The following CERS6 variants were observed in gnomAD, a reference collection of about 807,000 sequenced individuals.
The protein encoded by CERS6 is LAG1 homolog, ceramide synthase 6.
A neutral mutation model predicts 56.8 loss-of-function variants in CERS6; 26 were observed. The ratio of observed to expected loss-of-function variants is 0.46; its 90% CI spans 0.34 to 0.63. CERS6 has a LOEUF of 0.63. Ranked by LOEUF, CERS6 falls within the 30% of genes least tolerant of loss-of-function variation. CERS6 has a pLI of 0.01. For synonymous variants in CERS6, 164 were observed against 173.3 expected, an observed-to-expected ratio of 0.95 and a Z score of 0.42; for missense variants, 415 against 467.5, an observed-to-expected ratio of 0.89 and a Z score of 1.04.
At chr2:168,597,740 C>A (rs1025061377) in intron 3 of CERS6, among the ~76,000 whole-genome samples, 1 of 152,184 alleles carries the variant, frequency 6.6e-6, no homozygotes, top group Non-Finnish European at 1.5e-5. Context: ...TTTATTTAGA[C>A]ATAATGCTTT....
chr2:168,626,492 C>T (rs1273551261), intron 3 of CERS6, among the ~76,000 whole-genome samples: 1 of 152,136 alleles, frequency 6.6e-6, no homozygotes, highest in Non-Finnish European at 1.5e-5. Flanking sequence ...ACAAAGAGCC[C>T]TGTTCAACCT....
chr2:168,752,553 A>G (rs902836825), intron 8 of CERS6, among the ~76,000 whole-genome samples: 3 of 152,170 alleles, frequency 2.0e-5, no homozygotes, highest in Non-Finnish European at 2.9e-5. Context: ...TTGTGTATTC[A>G]TATTCCTGGT....
chr2:168,750,884 C>A (rs1440970976), intron 8 of CERS6, among the ~76,000 whole-genome samples: 1 of 152,176 alleles, frequency 6.6e-6, no homozygotes, highest in East Asian at 1.9e-4. Flanking sequence ...ATAGTAAGTT[C>A]TTTGAGGTTC....
chr2:168,725,472 C>G (rs1269533346), intron 8 of CERS6, among the ~76,000 whole-genome samples: 2 of 152,254 alleles, frequency 1.3e-5, no homozygotes, highest in South Asian at 4.1e-4. Flanking sequence ...ACTAACACAT[C>G]CTTAAATAAT....
At chr2:168,635,722 G>A (rs1684846862) in intron 4 of CERS6, among the ~76,000 whole-genome samples, 1 of 152,140 alleles carries the variant, frequency 6.6e-6, no homozygotes, top group Non-Finnish European at 1.5e-5. Context: ...TAACTGCTGG[G>A]TGAAAACTTG....
chr2:168,484,901 C>A (rs560956563), intron 1 of CERS6, among the ~76,000 whole-genome samples: 4 of 152,306 alleles, frequency 2.6e-5, no homozygotes, highest in African/African-American at 9.6e-5. Context: ...TGAAATAACG[C>A]TTCATATTCT....
intron 4 of CERS6, among the ~76,000 whole-genome samples, chr2:168,681,422 G>A (rs902263724): frequency 2.0e-5 from 3 of 152,160 alleles, no homozygotes; most frequent in Non-Finnish European, 1.5e-5. Context: ...TTTGAGGGTG[G>A]CAGTGTATTA....
At chr2:168,641,940 A>C (rs1193939406) in intron 4 of CERS6, among the ~76,000 whole-genome samples, 1 of 152,130 alleles carries the variant, frequency 6.6e-6, no homozygotes, top group Non-Finnish European at 1.5e-5. Context: ...TTTTGTTAAA[A>C]ATTTTTTGGG....
chr2:168,695,180 G>A (rs1033147493), intron 6 of CERS6, 129 bp downstream of exon 6: 28 of 652,140 alleles, frequency 4.3e-5, no homozygotes, highest in South Asian at 1.5e-4. Flanking sequence ...GACTTGCTGC[G>A]TTATTACAGA....
rs931460010 is a variant in CERS6 at position 168,775,000 on chromosome 2, G to A, written c.*5338G>A. The A allele has an allele frequency of 6.6e-6, 1 of 152,206 alleles. No homozygotes were observed. Among genetic ancestry groups the A allele is most frequent in the Non-Finnish European group, 1.5e-5 (1 of 67,998 alleles). The allele number at this position is 152,206 out of a possible 1,614,324, so 9.4% of individuals were successfully genotyped here. A position where few individuals can be genotyped will look rare whatever the true frequency, so the allele number is the denominator to read the frequency against. ...TGTTAGCCAATTAGAATTATTTTAT[G>A]TATTGTTATTGTGTTTTGCTGATTT... On this transcript the variant is annotated 3_prime_UTR_variant, in exon 10 of 10. Coordinates refer to ENST00000305747, the MANE Select transcript of CERS6 (RefSeq NM_203463.3).
rs143308042 is a variant in CERS6 at position 168,645,999 on chromosome 2, G to A, written c.465+14957G>A. Among the ~76,000 whole-genome samples, 10 of 152,204 alleles carry A rather than the reference G, an allele frequency of 6.6e-5. No homozygotes were observed. The East Asian group carries it at 1.9e-3, about 29-fold the overall frequency. On this transcript the variant is annotated intron_variant, in intron 4 of 9. Coordinates refer to ENST00000305747, the MANE Select transcript of CERS6 (RefSeq NM_203463.3). Reference sequence around the variant, plus strand: ...TATTGCAAATAGGGCTGCAGTGAACGTTCACATGCATGTGTTTTTATGGTG... The same window carrying A: ...TATTGCAAATAGGGCTGCAGTGAACATTCACATGCATGTGTTTTTATGGTG...
intron 1 of CERS6, among the ~76,000 whole-genome samples, chr2:168,497,033 A>G (rs1195160895): frequency 6.6e-6 from 1 of 152,206 alleles, no homozygotes; most frequent in East Asian, 1.9e-4. Context: ...CTAGGCAGGA[A>G]AAGCAGACCT....
intron 1 of CERS6, among the ~76,000 whole-genome samples, chr2:168,503,580 C>T (rs1694622356): frequency 6.6e-6 from 1 of 152,100 alleles, no homozygotes; most frequent in African/African-American, 2.4e-5. Context: ...AGCAATTGCC[C>T]TCAAACAGGT....
chr2:168,579,047 G>A (rs1179631373), intron 3 of CERS6, among the ~76,000 whole-genome samples: 4 of 151,918 alleles, frequency 2.6e-5, no homozygotes, highest in African/African-American at 2.4e-5. Flanking sequence ...TAATTCCTTC[G>A]GTTATTTTTA....
intron 4 of CERS6, among the ~76,000 whole-genome samples, chr2:168,631,550 T>TTAATATTTATATATTAAATATATAATATA (rs1684722845): frequency 1.0e-4 from 5 of 48,772 alleles, no homozygotes; most frequent in Non-Finnish European, 1.9e-4. Flanking sequence ...TATATTATAT[T>TTAATATTTATATATTAAATATATAATATA]TTTAATATTT....
rs1684532201 is a variant in CERS6, at chr2:168,760,202, T to C, written c.846-5390T>C. On this transcript the variant is annotated intron_variant, in intron 8 of 9. Coordinates refer to ENST00000305747, the MANE Select transcript of CERS6 (RefSeq NM_203463.3). The stretch of plus-strand genomic sequence containing the variant: ...TACAGGAGTTTATTAAGTATTAACT[T>C]ACACGATCACAAGGTCCCACAGTAG... Among the ~76,000 whole-genome samples the C allele has an allele frequency of 2.6e-5, 4 of 152,102 alleles. No homozygotes were observed. In the South Asian group the frequency reaches 8.3e-4, roughly 31 times the overall value.
At chr2:168,532,135 CAATTCAT>C (rs1310741787) in intron 1 of CERS6, among the ~76,000 whole-genome samples, 31 of 152,250 alleles carry the variant, frequency 2.0e-4, no homozygotes, top group African/African-American at 7.5e-4. Context: ...TACTAGAGAA[CAATTCAT>C]ATTTTTCCTA....
intron 3 of CERS6, among the ~76,000 whole-genome samples, chr2:168,582,587 C>T (rs561570629): frequency 4.6e-5 from 7 of 151,924 alleles, no homozygotes; most frequent in East Asian, 3.9e-4. Flanking sequence ...AAAAAAAACG[C>T]GTGCTATGCA....
intron 3 of CERS6, among the ~76,000 whole-genome samples, chr2:168,579,358 G>T (rs1333498318): frequency 2.0e-5 from 3 of 152,014 alleles, no homozygotes; most frequent in Admixed American, 1.3e-4. Context: ...TTTAATATGG[G>T]TTGGGGCTTT....
Sources: allele counts gnomAD v4.1 joint callset (sites outside exome capture counted in the v4.1 genomes callset), GRCh38; gene constraint gnomAD v4.1.1; transcripts MANE v1.5; gene names NCBI Gene and HGNC (gene_info 2026-07-23, HGNC 2026-07-21).